Variants in VWA5B1 observed in about 807,000 individuals in gnomAD.
VWA5B1 encodes von Willebrand factor A domain-containing protein 5B1.
Under a neutral mutation model 118.2 loss-of-function variants are expected in VWA5B1, and 115 were observed. The ratio of observed to expected loss-of-function variants is 0.97; its 90% CI spans 0.84 to 1.14. The LOEUF is 1.14. Ranked by LOEUF, VWA5B1 falls within the 50% of genes most tolerant of loss-of-function variation. The probability of loss-of-function intolerance (pLI) is 0.00; values close to 1 mark genes in which losing one functional copy is unlikely to be tolerated. For synonymous variants in VWA5B1, 682 were observed against 658.4 expected (o/e 1.04, Z -0.55); for missense variants, 1,596 against 1,603.8 (o/e 1.00, Z 0.08).
At chr1:20,317,796 C>T (rs2089068042) in intron 5 of VWA5B1, 121 bp downstream of exon 5, 1 of 1,271,114 alleles carries the variant, frequency 7.9e-7, no homozygotes, top group African/African-American at 1.5e-5. Flanking sequence ...TACTAAAGTA[C>T]ACAAAGCCTG....
intron 5 of VWA5B1, 107 bp from the exon 6 acceptor site, chr1:20,318,483 G>A: frequency 6.7e-7 from 1 of 1,490,342 alleles, no homozygotes; most frequent in Non-Finnish European, 9.1e-7. Flanking sequence ...CCCTAACGGG[G>A]CTGGCATGTC....
At chr1:20,325,041 A>T (rs1188224991) in intron 8 of VWA5B1, among the ~76,000 whole-genome samples, 1 of 152,238 alleles carries the variant, frequency 6.6e-6, no homozygotes, top group South Asian at 2.1e-4. Context: ...TAAACCTAAA[A>T]CATGCCTTAG....
At chr1:20,300,822 A>G (rs1275662525) in intron 1 of VWA5B1, among the ~76,000 whole-genome samples, 1 of 152,238 alleles carries the variant, frequency 6.6e-6, no homozygotes, top group African/African-American at 2.4e-5. Context: ...CCCCTACCCC[A>G]GGGTCTTAAG....
At position 20,310,556 on chromosome 1, in the gene VWA5B1, G is replaced by A. The variant is rs549317819; in HGVS notation, c.-26-20G>A. Reference sequence around the variant, plus strand: ...CTGGGGGAGCCTCTTCCCACTTCCTGCCCTTCCTGTGTCTCACAGGTTCTG... The same window carrying A: ...CTGGGGGAGCCTCTTCCCACTTCCTACCCTTCCTGTGTCTCACAGGTTCTG... On this transcript the variant is annotated intron_variant, in intron 1 of 21. Coordinates refer to ENST00000289815, the MANE Select transcript of VWA5B1 (RefSeq NM_001039500.3). The A allele has an allele frequency of 6.8e-7, 1 of 1,470,378 alleles. No individual in the cohort carries two copies. The highest frequency in any genetic ancestry group is 2.6e-5 in the East Asian group (1 of 38,338). The allele number at this position is 1,470,378 out of a possible 1,614,324, so 91.1% of individuals were successfully genotyped here.
intron 1 of VWA5B1, among the ~76,000 whole-genome samples, chr1:20,301,032 C>T (rs2088492552): frequency 1.3e-5 from 2 of 152,244 alleles, no homozygotes; most frequent in Admixed American, 1.3e-4. Flanking sequence ...GGAGGGGGCG[C>T]ATTGTGTACG....
chr1:20,343,395 T>C lies in VWA5B1; in HGVS notation c.2626+2T>C. 6.6e-7 allele frequency: 1 copy of C among 1,518,806 alleles called. No homozygotes were observed. The highest frequency in any genetic ancestry group is 8.8e-7 in the Non-Finnish European group (1 of 1,135,800). The allele number at this position is 1,518,806 out of a possible 1,614,324, so 94.1% of individuals were successfully genotyped here. A position where few individuals can be genotyped will look rare whatever the true frequency, so the allele number is the denominator to read the frequency against. On this transcript the variant is annotated splice_donor_variant, in intron 16 of 21. Coordinates refer to ENST00000289815, the MANE Select transcript of VWA5B1 (RefSeq NM_001039500.3). LOFTEE classifies it high-confidence loss of function. The stretch of plus-strand genomic sequence containing the variant: ...AGCGCGAGGGCGAGATCGAGCAGGG[T>C]GAGCGCCACGGAACTGCGCCCCTCC...
chr1:20,349,645 A>C (rs2090083172), intron 18 of VWA5B1, among the ~76,000 whole-genome samples: 2 of 151,424 alleles, frequency 1.3e-5, no homozygotes, highest in African/African-American at 4.9e-5. Context: ...GCCTCCCAAA[A>C]TGCTGGGATC....
chr1:20,333,095 T>G, intron 12 of VWA5B1, 144 bp downstream of exon 12: 5 of 1,071,118 alleles, frequency 4.7e-6, no homozygotes, highest in Non-Finnish European at 6.6e-6. Context: ...TTCCCAGTTG[T>G]GGGTTTACAG....
At chr1:20,318,967 G>A (rs940024148) in intron 6 of VWA5B1, among the ~76,000 whole-genome samples, 1 of 152,108 alleles carries the variant, frequency 6.6e-6, no homozygotes, top group Non-Finnish European at 1.5e-5. Flanking sequence ...TCCACCCATC[G>A]GGGCACTTTA....
intron 18 of VWA5B1, 57 bp downstream of exon 18, chr1:20,348,415 C>T (rs1264965775): frequency 1.3e-6 from 2 of 1,523,828 alleles, no homozygotes; most frequent in Non-Finnish European, 1.8e-6. Flanking sequence ...GCCTGGGCCC[C>T]TGAGGTTACC....
chr1:20,331,413 A>G (rs1169793724), intron 11 of VWA5B1, among the ~76,000 whole-genome samples: 1 of 152,230 alleles, frequency 6.6e-6, no homozygotes, highest in Non-Finnish European at 1.5e-5. Context: ...TAACCCTTAG[A>G]AAATCCCCTT....
intron 12 of VWA5B1, among the ~76,000 whole-genome samples, chr1:20,334,097 T>G (rs1396941465): frequency 1.3e-5 from 2 of 152,238 alleles, no homozygotes; most frequent in Non-Finnish European, 1.5e-5. Flanking sequence ...AGTGCCATCA[T>G]GCAGAAATGT....
chr1:20,309,568 G>T (rs1417738782), intron 1 of VWA5B1, among the ~76,000 whole-genome samples: 16 of 152,244 alleles, frequency 1.1e-4, no homozygotes, highest in African/African-American at 3.9e-4. Flanking sequence ...CCGTGGTGAT[G>T]CTGGGCTGGA....
At chr1:20,328,112 C>T in intron 9 of VWA5B1, 112 bp downstream of exon 9, 1 of 1,023,880 alleles carries the variant, frequency 9.8e-7, no homozygotes, top group Non-Finnish European at 1.5e-6. Context: ...CAGAAGCTGC[C>T]TACCCACAGA....
At chr1:20,348,212 C>G (rs2090048537) in intron 17 of VWA5B1, 33 bp from the exon 18 acceptor site, 1 of 1,543,036 alleles carries the variant, frequency 6.5e-7, no homozygotes. Context: ...ACATTTGTAC[C>G]CAACCACCCG....
rs1474473640 is a variant in VWA5B1, at chr1:20,341,097, G to A, written c.2134-1335G>A. ...TTTTAAAATAAGTTTTATCTTGGACGTCTTTTCACTTTGGCATGAAGAAAG... is the reference window on the plus strand; with the variant it reads ...TTTTAAAATAAGTTTTATCTTGGACATCTTTTCACTTTGGCATGAAGAAAG... On this transcript the variant is annotated intron_variant, in intron 14 of 21. Transcript: ENST00000289815. Among the ~76,000 whole-genome samples, 5 of 152,146 alleles carry A rather than the reference G, an allele frequency of 3.3e-5. No individual in the cohort carries two copies. In the East Asian group the frequency reaches 5.8e-4, roughly 18 times the overall value.
chr1:20,311,131 C>A (rs1374795631), intron 2 of VWA5B1, among the ~76,000 whole-genome samples: 1 of 152,222 alleles, frequency 6.6e-6, no homozygotes, highest in Non-Finnish European at 1.5e-5. Flanking sequence ...TGCCACCACA[C>A]CCAACTAATT....
rs1436879862 is a variant in VWA5B1 at position 20,330,319 on chromosome 1, A to G, written c.1394A>G (p.Asp465Gly). 2 of 1,551,668 alleles carry G rather than the reference A, an allele frequency of 1.3e-6. No homozygotes were observed. The highest frequency in any genetic ancestry group is 1.4e-5 in the African/African-American group (1 of 73,048). The change falls in exon 10 of 22, where the codon GAT becomes GGT. Residue 465 changes from aspartate (D) to glycine (G), a missense_variant. Transcript: ENST00000289815. ...CCGCGGCTCCTCTTCGTGATCACAGATGGCGCTGTCAACAACACAGGGAAG... is the reference window on the plus strand; with the variant it reads ...CCGCGGCTCCTCTTCGTGATCACAGGTGGCGCTGTCAACAACACAGGGAAG... ...GHPRLLFVIT[D>G]GAVNNTGKVL... is the part of the protein sequence containing the mutation.
chr1:20,353,441 G>A (rs1241538796), intron 21 of VWA5B1, among the ~76,000 whole-genome samples: 3 of 152,156 alleles, frequency 2.0e-5, no homozygotes, highest in African/African-American at 7.2e-5. Context: ...GAAACTGATG[G>A]TTACACAGGG....
Sources: gnomAD v4.1 joint callset for allele counts (sites outside exome capture counted in the v4.1 genomes callset) on GRCh38, gnomAD v4.1.1 for gene constraint, MANE v1.5 for transcripts, NCBI Gene and HGNC (gene_info 2026-07-23, HGNC 2026-07-21) for gene names.